Variants in HLCS observed in about 807,000 individuals in gnomAD.
HLCS encodes holocarboxylase synthetase, also known as biotin--protein ligase.
In HLCS, 53 loss-of-function variants were observed where a neutral mutation model predicts 75.0. The observed-to-expected ratio is 0.71, with a 90% confidence interval of 0.57 to 0.89. The LOEUF is 0.89. Ranked by LOEUF, HLCS falls within the 40% of genes least tolerant of loss-of-function variation. The pLI, the probability that HLCS is intolerant of heterozygous loss-of-function variation, is 0.00. For synonymous variants in HLCS, 431 were observed against 428.6 expected (o/e 1.01, Z -0.07); for missense variants, 966 against 1,074.0 (o/e 0.90, Z 1.41).
chr21:36,769,345 C>T (rs772012765), intron 6 of HLCS, among the ~76,000 whole-genome samples: 1 of 152,170 alleles, frequency 6.6e-6, no homozygotes, highest in Non-Finnish European at 1.5e-5. Context: ...GGGGCCAAAC[C>T]GCATGGCTCA....
chr21:36,859,062 G>A (rs1165811049), intron 6 of HLCS, among the ~76,000 whole-genome samples: 1 of 151,998 alleles, frequency 6.6e-6, no homozygotes, highest in East Asian at 1.9e-4. Context: ...TCACTCTGTC[G>A]CCCAGGCTGG....
At chr21:36,826,027 AT>A (rs111857311) in intron 6 of HLCS, among the ~76,000 whole-genome samples, 6,390 of 146,384 alleles carry the variant, frequency 0.044, 228 homozygotes, top group African/African-American at 0.097. Flanking sequence ...GTAAGAAGTT[AT>A]TTTTTTTTTT....
chr21:36,805,176 G>A (rs1464837155), intron 6 of HLCS, among the ~76,000 whole-genome samples: 1 of 152,120 alleles, frequency 6.6e-6, no homozygotes, highest in African/African-American at 2.4e-5. Context: ...AAGAAAGCAA[G>A]CCAGTAAGAT....
At chr21:36,972,744 T>C (rs2068825852) in intron 1 of HLCS, among the ~76,000 whole-genome samples, 1 of 152,230 alleles carries the variant, frequency 6.6e-6, no homozygotes, top group Admixed American at 6.5e-5. Flanking sequence ...TTTAAGTACA[T>C]TCTTATAACT....
At position 36,936,814 on chromosome 21, in the gene HLCS, T is replaced by A; in HGVS notation, c.1072A>T (p.Thr358Ser). 6.2e-7 allele frequency: 1 copy of A among 1,614,166 alleles called. No homozygotes were observed. The change falls in exon 4 of 11, where the codon ACG (threonine) becomes TCG (serine). Residue 358 changes from threonine (T) to serine (S), a missense_variant. Thr to Ser is a moderately conservative substitution (Grantham distance 58, BLOSUM62 1). Coordinates refer to ENST00000674895, the MANE Select transcript of HLCS (RefSeq NM_001352514.2). ...ATGACCAACAGCAGACAGTTGTCCG[T>A]CCACGGGTCTCTGAGAGCACTGTCC... ...LEDSALRDPW[T>S]DNCLLLVIAT...
chr21:36,850,745 G>A (rs2062970267), intron 6 of HLCS, among the ~76,000 whole-genome samples: 1 of 152,184 alleles, frequency 6.6e-6, no homozygotes, highest in Non-Finnish European at 1.5e-5. Context: ...GAATAGCAGG[G>A]TGACACTGGT....
At chr21:36,933,475 C>T (rs575255532) in intron 4 of HLCS, among the ~76,000 whole-genome samples, 3 of 148,580 alleles carry the variant, frequency 2.0e-5, no homozygotes, top group Admixed American at 1.4e-4. Context: ...CACTTGAACC[C>T]GGGAAGCAGA....
intron 6 of HLCS, among the ~76,000 whole-genome samples, chr21:36,823,610 G>GGTTGTGTGT (rs1555901720): frequency 9.8e-5 from 13 of 132,726 alleles, no homozygotes; most frequent in African/African-American, 3.6e-4. Flanking sequence ...AAACGTGCAG[G>GGTTGTGTGT]GTGTGTGTGT....
At chr21:36,819,793 C>T (rs1434611647) in intron 6 of HLCS, among the ~76,000 whole-genome samples, 2 of 152,074 alleles carry the variant, frequency 1.3e-5, no homozygotes, top group African/African-American at 4.8e-5. Flanking sequence ...ATACTCTTTC[C>T]ACTTTCCCAT....
intron 6 of HLCS, among the ~76,000 whole-genome samples, chr21:36,851,201 C>G (rs558760928): frequency 2.6e-5 from 4 of 152,304 alleles, no homozygotes; most frequent in African/African-American, 9.6e-5. Context: ...AGAATGGAAA[C>G]CAGGATACTG....
chr21:36,941,639 G>C (rs906611501), intron 2 of HLCS, among the ~76,000 whole-genome samples: 2 of 152,232 alleles, frequency 1.3e-5, no homozygotes, highest in African/African-American at 4.8e-5. Flanking sequence ...CACTTTGGGA[G>C]GCCGAGGCAG....
chr21:36,983,037 A>G (rs1430035147), intron 1 of HLCS, among the ~76,000 whole-genome samples: 1 of 152,150 alleles, frequency 6.6e-6, no homozygotes, highest in Non-Finnish European at 1.5e-5. Context: ...CCGTCTCAAA[A>G]AAAAAACAAA....
Position 36,937,000 on chromosome 21 carries a change from C to CG in HLCS, c.885dup (p.Glu296ArgfsTer45). On this transcript the variant is annotated frameshift_variant, in exon 4 of 11. Coordinates refer to ENST00000674895, the MANE Select transcript of HLCS (RefSeq NM_001352514.2). LOFTEE classifies it high-confidence loss of function. The stretch of plus-strand genomic sequence containing the variant: ...AGGTTGACTCTCCTCCCTTCTCTTT[C>CG]GGGGGAGGTCTCATCAGCAACACTC... 1 of 1,614,096 alleles carries CG rather than the reference C, an allele frequency of 6.2e-7. No individual in the cohort carries two copies. Among genetic ancestry groups the CG allele is most frequent in the Non-Finnish European group, 8.5e-7 (1 of 1,180,016 alleles).
At chr21:36,907,990 GC>G (rs1177803976) in intron 5 of HLCS, among the ~76,000 whole-genome samples, 1 of 151,770 alleles carries the variant, frequency 6.6e-6, no homozygotes, top group African/African-American at 2.4e-5. Flanking sequence ...ACTATTTTAA[GC>G]CCAGGAATTT....
upstream of HLCS, among the ~76,000 whole-genome samples, chr21:36,970,700 T>C (rs1023252401): frequency 6.6e-6 from 1 of 151,636 alleles, no homozygotes; most frequent in Non-Finnish European, 1.5e-5. Context: ...AGGAACTATG[T>C]AGAAAATCTT....
chr21:36,769,241 T>C (rs898447863), intron 6 of HLCS, among the ~76,000 whole-genome samples: 13 of 152,166 alleles, frequency 8.5e-5, no homozygotes, highest in African/African-American at 2.9e-4. Context: ...AAGAGGAAAT[T>C]CTGCAAGGAG....
At chr21:36,861,745 T>C (rs963214149) in intron 6 of HLCS, among the ~76,000 whole-genome samples, 3 of 152,238 alleles carry the variant, frequency 2.0e-5, no homozygotes, top group African/African-American at 7.2e-5. Flanking sequence ...TTCTGTACCA[T>C]CTGTCTTTTT....
At chr21:36,783,074 AC>A (rs1315189924) in intron 6 of HLCS, among the ~76,000 whole-genome samples, 1 of 152,192 alleles carries the variant, frequency 6.6e-6, no homozygotes, top group Admixed American at 6.5e-5. Flanking sequence ...CTCAATTTTA[AC>A]AAATGCCTCA....
chr21:36,913,045 A>C (rs774891184), intron 5 of HLCS, among the ~76,000 whole-genome samples: 4 of 152,202 alleles, frequency 2.6e-5, no homozygotes, highest in Non-Finnish European at 4.4e-5. Context: ...ATCCACTGCC[A>C]AGCACTGCTG....
Sources: gnomAD v4.1 joint callset for allele counts (sites outside exome capture counted in the v4.1 genomes callset) on GRCh38, gnomAD v4.1.1 for gene constraint, MANE v1.5 for transcripts, NCBI Gene and HGNC (gene_info 2026-07-23, HGNC 2026-07-21) for gene names.